SOX5: variants seen among roughly 807,000 people sequenced by gnomAD.
SOX5 encodes the protein transcription factor SOX-5.
A neutral mutation model predicts 92.0 loss-of-function variants in SOX5; 9 were observed. The observed-to-expected ratio is 0.10, with a 90% CI of 0.06 to 0.17. SOX5 has a LOEUF of 0.17. Ranked by LOEUF, SOX5 falls within the 10% of genes least tolerant of loss-of-function variation. SOX5 has a pLI of 1.00. For synonymous variants in SOX5, 344 were observed against 336.3 expected (o/e 1.02, Z -0.25); for missense variants, 642 against 944.5 (o/e 0.68, Z 4.20).
chr12:24,414,844 T>C (rs1252656370), intron 1 of SOX5, among the ~76,000 whole-genome samples: 1 of 152,194 alleles, frequency 6.6e-6, no homozygotes, highest in East Asian at 1.9e-4. Flanking sequence ...CACATGCCTA[T>C]GAAACTCTCC....
chr12:24,235,266 A>T (rs554688816), intron 3 of SOX5, among the ~76,000 whole-genome samples: 1 of 152,352 alleles, frequency 6.6e-6, no homozygotes, highest in East Asian at 1.9e-4. Context: ...GCTCAGAGGC[A>T]TAGAGTAATA....
chr12:23,799,255 CAAT>C (rs1401340604), intron 3 of SOX5, among the ~76,000 whole-genome samples: 1 of 151,990 alleles, frequency 6.6e-6, no homozygotes, highest in African/African-American at 2.4e-5. Context: ...CTGATACTAA[CAAT>C]GATGCTGTAA....
At position 24,406,285 on chromosome 12, in the gene SOX5, C is replaced by T. The variant is rs185623339; in HGVS notation, c.-250-37646G>A. ...ACCAGGTGCTGAGTGGGGAGTAGGG[C>T]GCTGAAGGAGAAGCCCTGCCCAAGT... On this transcript the variant is annotated intron_variant, in intron 1 of 4. Transcript: ENST00000446891. Among the ~76,000 whole-genome samples, 9 of 152,158 alleles carry T rather than the reference C, an allele frequency of 5.9e-5. No homozygotes were observed. In the East Asian group the frequency reaches 1.2e-3, roughly 20 times the overall value.
intron 1 of SOX5, among the ~76,000 whole-genome samples, chr12:24,470,467 G>C (rs1329515851): frequency 6.7e-6 from 1 of 149,642 alleles, no homozygotes; most frequent in Non-Finnish European, 1.5e-5. Context: ...AAGTGATAAA[G>C]ATCACGGAAA....
chr12:23,974,839 A>C (rs1010684725), intron 4 of SOX5, among the ~76,000 whole-genome samples: 1 of 152,206 alleles, frequency 6.6e-6, no homozygotes, highest in African/African-American at 2.4e-5. Context: ...ATTAGAATAA[A>C]TTAATAAAAG....
At chr12:23,790,556 A>T (rs1385098920) in intron 3 of SOX5, among the ~76,000 whole-genome samples, 4 of 150,864 alleles carry the variant, frequency 2.7e-5, no homozygotes, top group African/African-American at 9.8e-5. Context: ...TCTCACACAC[A>T]CACACACACA....
intron 4 of SOX5, among the ~76,000 whole-genome samples, chr12:24,093,737 G>C (rs1432083669): frequency 1.4e-5 from 2 of 142,220 alleles, no homozygotes; most frequent in Non-Finnish European, 3.0e-5. Context: ...GGACGGTCTT[G>C]TACAAGTCCC....
intron 3 of SOX5, among the ~76,000 whole-genome samples, chr12:23,833,426 T>C (rs1023878089): frequency 6.6e-6 from 1 of 151,994 alleles, no homozygotes; most frequent in Non-Finnish European, 1.5e-5. Flanking sequence ...AAAGAACAAG[T>C]TACAGCTTTA....
At chr12:23,813,147 C>G (rs979035091) in intron 3 of SOX5, among the ~76,000 whole-genome samples, 4 of 152,128 alleles carry the variant, frequency 2.6e-5, no homozygotes, top group African/African-American at 7.2e-5. Flanking sequence ...AATTGTCACT[C>G]TATTCTGCCT....
At chr12:24,260,695 G>A (rs747151429) in intron 3 of SOX5, among the ~76,000 whole-genome samples, 32 of 152,164 alleles carry the variant, frequency 2.1e-4, no homozygotes, top group Non-Finnish European at 4.3e-4. Flanking sequence ...TGCAAGGAAT[G>A]AGAAGTTGGA....
intron 4 of SOX5, among the ~76,000 whole-genome samples, chr12:24,027,463 C>T (rs1038940459): frequency 6.6e-6 from 1 of 151,880 alleles, no homozygotes; most frequent in Non-Finnish European, 1.5e-5. Context: ...AAGAATTATC[C>T]CCAACATGCA....
intron 4 of SOX5, among the ~76,000 whole-genome samples, chr12:24,171,135 TCTA>T (rs1310442086): frequency 2.4e-5 from 2 of 83,026 alleles, no homozygotes; most frequent in African/African-American, 4.9e-5. Context: ...GCTCCCAAGA[TCTA>T]TTTTTTTTTT....
intron 2 of SOX5, among the ~76,000 whole-genome samples, chr12:24,313,462 CAA>C (rs1383026987): frequency 6.6e-6 from 1 of 152,068 alleles, no homozygotes; most frequent in Non-Finnish European, 1.5e-5. Context: ...CCTAGCAGAT[CAA>C]AGTTACAGTG....
intron 6 of SOX5, among the ~76,000 whole-genome samples, chr12:23,694,500 C>A (rs1413486248): frequency 6.6e-6 from 1 of 151,998 alleles, no homozygotes; most frequent in Non-Finnish European, 1.5e-5. Flanking sequence ...CTCTCTTTAC[C>A]TGTGTCTAAT....
chr12:23,883,498 A>G (rs2097023933), intron 2 of SOX5, among the ~76,000 whole-genome samples: 1 of 152,368 alleles, frequency 6.6e-6, no homozygotes, highest in Non-Finnish European at 1.5e-5. Flanking sequence ...AGTGCTCGCT[A>G]TGTGCCAGGC....
chr12:24,283,313 T>C (rs1305625310), intron 2 of SOX5, among the ~76,000 whole-genome samples: 2 of 152,208 alleles, frequency 1.3e-5, no homozygotes, highest in Non-Finnish European at 2.9e-5. Flanking sequence ...TTCACAGGTA[T>C]CTCTTAGAAT....
chr12:24,361,804 T>C (rs16927523), intron 2 of SOX5, among the ~76,000 whole-genome samples: 5,688 of 152,304 alleles, frequency 0.037, 300 homozygotes, highest in African/African-American at 0.12. Context: ...AATCTCCCCA[T>C]AGTCTAGCCT....
intron 2 of SOX5, among the ~76,000 whole-genome samples, chr12:24,278,044 A>T (rs1356762935): frequency 2.0e-5 from 3 of 152,172 alleles, no homozygotes; most frequent in Admixed American, 2.0e-4. Context: ...ATTCCCAAGA[A>T]TCAGACTTAT....
At chr12:23,835,419 G>A (rs773207661) in intron 3 of SOX5, among the ~76,000 whole-genome samples, 1 of 151,746 alleles carries the variant, frequency 6.6e-6, no homozygotes, top group African/African-American at 2.4e-5. Context: ...TTTCTACAGT[G>A]AGAATGGAGT....
Sources: allele counts gnomAD v4.1 joint callset (sites outside exome capture counted in the v4.1 genomes callset), GRCh38; gene constraint gnomAD v4.1.1; transcripts MANE v1.5; gene names NCBI Gene and HGNC (gene_info 2026-07-23, HGNC 2026-07-21).